MMP19: variants seen among roughly 807,000 people sequenced by gnomAD.
The protein encoded by MMP19 is matrix metalloproteinase-19.
A neutral mutation model predicts 46.6 loss-of-function variants in MMP19; 47 were observed. The ratio of observed to expected loss-of-function variants is 1.01; its 90% CI spans 0.80 to 1.29. MMP19 has a LOEUF of 1.29. Ranked by LOEUF, MMP19 falls within the 50% of genes most tolerant of loss-of-function variation. The probability of loss-of-function intolerance (pLI) is 0.00; values close to 1 mark genes in which losing one functional copy is unlikely to be tolerated. For missense variants in MMP19, 589 were observed against 643.5 expected, an observed-to-expected ratio of 0.92 and a Z score of 0.92; for synonymous variants, 222 against 248.5, an observed-to-expected ratio of 0.89 and a Z score of 1.00.
In MMP19 at chr12:55,836,972, A is replaced by C; in HGVS notation, c.*64T>G. 7.1e-7 allele frequency: 1 copy of C among 1,401,608 alleles called. No individual in the cohort carries two copies. Among genetic ancestry groups the C allele is most frequent in the East Asian group, 2.3e-5 (1 of 43,268 alleles). 86.8% of individuals were successfully genotyped at this position (1,401,608 alleles called of 1,614,324 possible). ...TTAGGCCTTAGGCTTCTGGGGGGGA[A>C]ATGAAAGGGTGGGTGGTGGAGCCTC... is the stretch of plus-strand genomic sequence containing the variant. On this transcript the variant is annotated 3_prime_UTR_variant, in exon 9 of 9. Transcript: ENST00000322569.
Position 55,836,429 on chromosome 12 carries a change from T to C in MMP19, c.*607A>G, listed in dbSNP as rs1404540678. The C allele has an allele frequency of 6.6e-6, 1 of 152,356 alleles. No homozygotes were observed. The highest frequency in any genetic ancestry group is 2.1e-4 in the South Asian group (1 of 4,834). 9.4% of individuals were successfully genotyped at this position (152,356 alleles called of 1,614,324 possible). The stretch of plus-strand genomic sequence containing the variant: ...GGAAGAGCTGTTCAGTCCTCTCTTA[T>C]GAACATGGAGTTAGCTTTTATTAAA... On this transcript the variant is annotated 3_prime_UTR_variant, in exon 9 of 9. Coordinates refer to ENST00000322569, the MANE Select transcript of MMP19 (RefSeq NM_002429.6).
intron 7 of MMP19, 33 bp from the exon 8 acceptor site, chr12:55,837,715 C>G: frequency 1.2e-6 from 2 of 1,614,014 alleles, no homozygotes; most frequent in African/African-American, 1.3e-5. Flanking sequence ...CAAGTCACCT[C>G]TGTCCTCAGG....
chr12:55,838,606 C>T lies in MMP19; in HGVS notation c.895G>A (p.Gly299Arg), dbSNP rs368226088. The T allele has an allele frequency of 5.0e-6, 8 of 1,614,066 alleles. No homozygotes were observed. The highest frequency in any genetic ancestry group is 6.8e-6 in the Non-Finnish European group (8 of 1,180,026). Residue 299 changes from glycine to arginine, a missense_variant and splice_region_variant, in exon 6 of 9, where the codon GGG (glycine) becomes AGG (arginine). Physicochemically the swap from Gly to Arg is moderately radical, Grantham distance 125 (BLOSUM62 -2). Transcript: ENST00000322569. ...ACAGCCTGGAGGGGAGGGGCCTCAC[C>T]CAGCATCATGGCATCCAGTTCACTA... ...CSSELDAMML[G>R]PRGKTYAFKG... is the part of the protein sequence containing the mutation.
intron 6 of MMP19, 150 bp downstream of exon 6, chr12:55,838,456 T>C (rs550426641): frequency 1.7e-4 from 263 of 1,585,712 alleles, no homozygotes; most frequent in Middle Eastern, 1.0e-3. Context: ...TCCCTCCCCA[T>C]GTCACATGTC....
rs367708829 is a variant in MMP19 at position 55,838,014 on chromosome 12, G to A, written c.896-7C>T. ...TAGGTCTTCCCACGGGGCCCTGAGCGTAATGGTGTGTCAACAAGTCAAAAA... is the reference window on the plus strand; with the variant it reads ...TAGGTCTTCCCACGGGGCCCTGAGCATAATGGTGTGTCAACAAGTCAAAAA... On this transcript the variant is annotated splice_region_variant and splice_polypyrimidine_tract_variant and intron_variant, in intron 6 of 8. Transcript: ENST00000322569. 125 of 1,560,766 alleles carry A rather than the reference G, an allele frequency of 8.0e-5. 1 individual carries two copies. Among genetic ancestry groups the A allele is most frequent in the South Asian group, 3.3e-4 (28 of 84,340 alleles).
At chr12:55,837,817 T>A (rs1033198441) in intron 7 of MMP19, 26 bp downstream of exon 7, 1 of 1,595,948 alleles carries the variant, frequency 6.3e-7, no homozygotes, top group Non-Finnish European at 8.6e-7. Flanking sequence ...CCTCCTCAAG[T>A]AAGACACTGT....
rs757881198 is a variant in MMP19, at chr12:55,837,927, C to T, written c.976G>A (p.Val326Met). The T allele has an allele frequency of 7.4e-6, 12 of 1,613,222 alleles. No individual in the cohort carries two copies. The African/African-American group carries it at 1.5e-4, about 20-fold the overall frequency. ...GGGAGCCCCTCCCAAAGGGCAGACA[C>T]TCGGAACAAGGGGCCCGGTCCTGAA... ...SDSGPGPLFR[V>M]SALWEGLPGN... Residue 326 changes from valine to methionine, a missense_variant, in exon 7 of 9, where the codon GTG (valine) becomes ATG (methionine). Coordinates refer to ENST00000322569, the MANE Select transcript of MMP19 (RefSeq NM_002429.6).
At chr12:55,838,575 C>T (rs763492965) in intron 6 of MMP19, 31 bp downstream of exon 6, 29 of 1,614,156 alleles carry the variant, frequency 1.8e-5, no homozygotes, top group Non-Finnish European at 2.5e-5. Flanking sequence ...CCCCCACCGC[C>T]TGCCAACAGC....
Position 55,837,862 on chromosome 12 carries a change from T to C in MMP19, c.1041A>G (p.Gln347=), listed in dbSNP as rs1881363856. ...CCTTACCCTTAAAGAAGTGAATCCA[T>C]TGTGTTCGAGGCGAGTAGACAGCAG... is the stretch of plus-strand genomic sequence containing the variant. ...LDAAVYSPRT[Q]WIHFFKGDKV... The change falls in exon 7 of 9, where the codon CAA becomes CAG. Residue 347 remains glutamine (Q), a synonymous_variant. Transcript: ENST00000322569. The C allele has an allele frequency of 6.2e-7, 1 of 1,609,152 alleles. No homozygotes were observed. Among genetic ancestry groups the C allele is most frequent in the Non-Finnish European group, 8.5e-7 (1 of 1,176,076 alleles).
intron 6 of MMP19, 157 bp downstream of exon 6, chr12:55,838,449 C>T (rs1252529944): frequency 1.3e-6 from 2 of 1,575,834 alleles, no homozygotes; most frequent in East Asian, 2.2e-5. Flanking sequence ...CGAACTCTCC[C>T]TCCCCATGTC....
At position 55,840,822 on chromosome 12, in the gene MMP19, G is replaced by A. The variant is rs1285383486; in HGVS notation, c.365C>T (p.Pro122Leu). ...RILNLPSTLP[P>L]HTARAALRQA... ...ACGCAGGGCTGCCCGGGCTGTGTGGGGTGGAAGGGTGGAGGGCAGGTTCAA... is the reference window on the plus strand; with the variant it reads ...ACGCAGGGCTGCCCGGGCTGTGTGGAGTGGAAGGGTGGAGGGCAGGTTCAA... Residue 122 changes from proline (P) to leucine (L), a missense_variant, in exon 4 of 9, where the codon CCC (proline) becomes CTC (leucine). Pro to Leu is a moderately conservative substitution (Grantham distance 98). Transcript: ENST00000322569. 6.2e-7 allele frequency: 1 copy of A among 1,609,216 alleles called. No homozygotes were observed. The highest frequency in any genetic ancestry group is 8.5e-7 in the Non-Finnish European group (1 of 1,176,366).
Position 55,842,384 on chromosome 12 carries a change from A to C in MMP19, c.142T>G (p.Phe48Val). The change falls in exon 2 of 9, where the codon TTC (phenylalanine) becomes GTC (valine). Residue 48 changes from phenylalanine (F) to valine (V), a missense_variant. By Grantham distance (50) the Phe-to-Val change is conservative (BLOSUM62 -1). Transcript: ENST00000322569. The part of the protein sequence containing the change: ...LQKPLEGSNN[F>V]KPEDITEALR... ...GCCTCGGTGATATCTTCTGGCTTGA[A>C]GTTATTAGATCCTTCTAGAGGCTTC... 1 of 1,613,990 alleles carries C rather than the reference A, an allele frequency of 6.2e-7. No individual in the cohort carries two copies. The highest frequency in any genetic ancestry group is 8.5e-7 in the Non-Finnish European group (1 of 1,179,932).
Position 55,842,842 on chromosome 12 carries a change from A to T in MMP19, c.-12T>A, listed in dbSNP as rs1400798954. The T allele has an allele frequency of 8.2e-6, 13 of 1,583,872 alleles. No individual in the cohort carries two copies. The highest frequency in any genetic ancestry group is 1.1e-5 in the Non-Finnish European group (13 of 1,165,696). On this transcript the variant is annotated 5_prime_UTR_variant, in exon 1 of 9. Transcript: ENST00000322569. ...TGCTGGCAGTTCATGGTCCCACCAG[A>T]CGAGAGCTCCAGAGGCTGTCCGTGC...
chr12:55,838,682 G>T lies in MMP19; in HGVS notation c.819C>A (p.Pro273=), dbSNP rs1177236949. 1 of 1,613,028 alleles carries T rather than the reference G, an allele frequency of 6.2e-7. No individual in the cohort carries two copies. The highest frequency in any genetic ancestry group is 1.3e-5 in the African/African-American group (1 of 75,012). ...RDEEEEETEL[P]TVPPVPTEPS... is the part of the protein sequence containing the mutation. ...GTTCTGTGGGCACTGGGGGCACAGT[G>T]GGCAGCTCTGTCTCTTCTTCTTCCT... Residue 273 remains proline, a synonymous_variant, in exon 6 of 9, where the codon CCC becomes CCA. Coordinates refer to ENST00000322569, the MANE Select transcript of MMP19 (RefSeq NM_002429.6).
At position 55,837,091 on chromosome 12, in the gene MMP19, G is replaced by A. The variant is rs17844806; in HGVS notation, c.1472C>T (p.Thr491Met). The A allele has an allele frequency of 6.5e-5, 104 of 1,608,400 alleles. No individual in the cohort carries two copies. In the East Asian group the frequency reaches 1.2e-3, roughly 18 times the overall value. Residue 491 changes from threonine (T) to methionine (M), a missense_variant, in exon 9 of 9, where the codon ACG becomes ATG. Physicochemically the swap from Thr to Met is moderately conservative, Grantham distance 81. Coordinates refer to ENST00000322569, the MANE Select transcript of MMP19 (RefSeq NM_002429.6). ...PSGGNTTPSG[T>M]GITLDTTLSA... ...GAGAGTGGTATCCAAGGTTATGCCC[G>A]TACCTGAGGGAGTGGTATTCCCACC...
In MMP19 at chr12:55,840,749, C is replaced by T; in HGVS notation, c.438G>A (p.Glu146=). The change falls in exon 4 of 9, where the codon GAG becomes GAA. Residue 146 remains glutamate, a synonymous_variant. Coordinates refer to ENST00000322569, the MANE Select transcript of MMP19 (RefSeq NM_002429.6). The stretch of plus-strand genomic sequence containing the variant: ...GGATGTCAGCCGCACCAGCCTGCAC[C>T]TCTTGGAAGGTCAAGGGAGCCACAT... The part of the protein sequence containing the change: ...WSNVAPLTFQ[E]VQAGAADIRL... 6.2e-7 allele frequency: 1 copy of T among 1,614,088 alleles called. No individual in the cohort carries two copies. The highest frequency in any genetic ancestry group is 8.5e-7 in the Non-Finnish European group (1 of 1,179,994).
At position 55,840,832 on chromosome 12, in the gene MMP19, T is replaced by G; in HGVS notation, c.355A>C (p.Thr119Pro). The change falls in exon 4 of 9, where the codon ACC (threonine) becomes CCC (proline). Residue 119 changes from threonine (T) to proline (P), a missense_variant. Coordinates refer to ENST00000322569, the MANE Select transcript of MMP19 (RefSeq NM_002429.6). Reference protein sequence around the residue: ...LTFRILNLPSTLPPHTARAAL... With the variant: ...LTFRILNLPSPLPPHTARAAL... ...GCCCGGGCTGTGTGGGGTGGAAGGG[T>G]GGAGGGCAGGTTCAAGATGCGGAAA... The G allele has an allele frequency of 6.2e-7, 1 of 1,603,152 alleles. No homozygotes were observed. Among genetic ancestry groups the G allele is most frequent in the Non-Finnish European group, 8.5e-7 (1 of 1,171,942 alleles).
chr12:55,836,966 G>T lies in MMP19; in HGVS notation c.*70C>A. On this transcript the variant is annotated 3_prime_UTR_variant, in exon 9 of 9. Transcript: ENST00000322569. The stretch of plus-strand genomic sequence containing the variant: ...CAGCTATTAGGCCTTAGGCTTCTGG[G>T]GGGGAAATGAAAGGGTGGGTGGTGG... The T allele has an allele frequency of 7.3e-7, 1 of 1,372,470 alleles. No homozygotes were observed. Among genetic ancestry groups the T allele is most frequent in the Non-Finnish European group, 9.9e-7 (1 of 1,007,592 alleles). The allele number at this position is 1,372,470 out of a possible 1,614,324, so 85.0% of individuals were successfully genotyped here.
chr12:55,838,094 G>T (rs1358711875), intron 6 of MMP19, 87 bp from the exon 7 acceptor site: 7 of 1,285,912 alleles, frequency 5.4e-6, no homozygotes, highest in Middle Eastern at 2.1e-4. Flanking sequence ...CTAACAATTT[G>T]CCCTCTCCCT....
Sources: allele counts gnomAD v4.1 joint callset, GRCh38; gene constraint gnomAD v4.1.1; transcripts MANE v1.5; gene names NCBI Gene and HGNC (gene_info 2026-07-23, HGNC 2026-07-21).